CSMD1: variants seen among roughly 807,000 people sequenced by gnomAD.
CSMD1 encodes the protein CUB and Sushi multiple domains 1.
CSMD1 carries 213 observed loss-of-function variants against 417.5 expected under a neutral mutation model. That is an observed-to-expected ratio of 0.51 (90% CI 0.46 to 0.57). CSMD1 has a LOEUF of 0.57. CSMD1 is among the 20% of genes least tolerant of loss of function. CSMD1 has a pLI of 0.00. For synonymous variants in CSMD1, 2,862 were observed against 1,736.8 expected (o/e 1.65, Z -16.11); for missense variants, 6,923 against 4,529.7 (o/e 1.53, Z -15.17).
Position 3,795,382 on chromosome 8 carries a change from G to GTATAGATATAGATATCTATCATAGA in CSMD1, c.819-41365_819-41341dup, listed in dbSNP as rs1181119079. ...TATCATGTATATAGATATATATCAT[G>GTATAGATATAGATATCTATCATAGA]TATAGATATAGATATCTATCATAGA... On this transcript the variant is annotated intron_variant, in intron 5 of 69. Transcript: ENST00000635120. Among the ~76,000 whole-genome samples the GTATAGATATAGATATCTATCATAGA allele has an allele frequency of 1.5e-3, 55 of 37,126 alleles. 23 individuals carry two copies. The East Asian group carries it at 0.029, about 20-fold the overall frequency. 24.4% of individuals were successfully genotyped at this position (37,126 alleles called of 152,430 possible).
At chr8:3,399,354 A>AC in intron 16 of CSMD1, 37 bp downstream of exon 16, 1 of 1,550,008 alleles carries the variant, frequency 6.5e-7, no homozygotes, top group Non-Finnish European at 8.7e-7. Flanking sequence ...AGAGACACAC[A>AC]CCATTGGGTC....
chr8:3,758,733 C>T (rs774465167), intron 5 of CSMD1, among the ~76,000 whole-genome samples: 23 of 152,108 alleles, frequency 1.5e-4, no homozygotes, highest in Non-Finnish European at 2.8e-4. Context: ...CAGACAGATC[C>T]CCAAGCCCCG....
intron 1 of CSMD1, among the ~76,000 whole-genome samples, chr8:4,647,810 C>G (rs776266160): frequency 6.6e-6 from 1 of 152,154 alleles, no homozygotes; most frequent in African/African-American, 2.4e-5. Flanking sequence ...TTTTTCCAGT[C>G]TATCACTGAT....
intron 1 of CSMD1, among the ~76,000 whole-genome samples, chr8:4,802,699 T>G (rs1227242353): frequency 1.3e-5 from 2 of 152,206 alleles, no homozygotes; most frequent in Non-Finnish European, 2.9e-5. Context: ...AGGCTTTGTT[T>G]TCTTGTTTTG....
intron 59 of CSMD1, among the ~76,000 whole-genome samples, chr8:2,964,818 G>C (rs191682287): frequency 1.5e-3 from 232 of 152,070 alleles, no homozygotes; most frequent in African/African-American, 5.4e-3. Flanking sequence ...TGTCAGAAGA[G>C]AGAGAAAGCC....
intron 18 of CSMD1, among the ~76,000 whole-genome samples, chr8:3,381,242 G>T (rs368497696): frequency 6.6e-6 from 1 of 151,402 alleles, no homozygotes; most frequent in Non-Finnish European, 1.5e-5. Context: ...GCCCCATGTC[G>T]GTACCTGTTC....
chr8:4,783,556 A>C (rs1311686432), intron 1 of CSMD1, among the ~76,000 whole-genome samples: 1 of 152,246 alleles, frequency 6.6e-6, no homozygotes, highest in Non-Finnish European at 1.5e-5. Context: ...CCTGGTTCTA[A>C]GGAAAACCTA....
chr8:3,055,187 A>G (rs1406656024), intron 49 of CSMD1, among the ~76,000 whole-genome samples: 2 of 152,202 alleles, frequency 1.3e-5, no homozygotes, highest in African/African-American at 4.8e-5. Flanking sequence ...CCATCACAAA[A>G]CAATTCATAC....
At chr8:2,974,692 C>T in intron 55 of CSMD1, 68 bp from the exon 56 acceptor site, 1 of 1,201,474 alleles carries the variant, frequency 8.3e-7, no homozygotes, top group Admixed American at 2.6e-5. Flanking sequence ...GGAAAATCTC[C>T]CATACAGACA....
At chr8:3,230,691 C>T in intron 26 of CSMD1, among the ~76,000 whole-genome samples, 1 of 152,048 alleles carries the variant, frequency 6.6e-6, no homozygotes, top group South Asian at 2.1e-4. Context: ...GTTGAGATGC[C>T]AAGGGTGGAA....
Position 3,676,514 on chromosome 8 carries a change from G to A in CSMD1, c.1009+31900C>T, listed in dbSNP as rs530042996. 3.9e-5 allele frequency among the ~76,000 whole-genome samples: 6 copies of A among 152,246 alleles called. No individual in the cohort carries two copies. The South Asian group carries it at 6.2e-4, about 16-fold the overall frequency. On this transcript the variant is annotated intron_variant, in intron 7 of 69. Coordinates refer to ENST00000635120, the MANE Select transcript of CSMD1 (RefSeq NM_033225.6). ...ATTGCCTGAAAAATTTTATATCTCA[G>A]AAGCATATAGATCTTAAATATATCC...
At chr8:3,025,698 C>T (rs555649156) in intron 51 of CSMD1, among the ~76,000 whole-genome samples, 6 of 152,104 alleles carry the variant, frequency 3.9e-5, no homozygotes, top group Non-Finnish European at 7.3e-5. Context: ...AGAATCCAGC[C>T]ACCCTGTATT....
At chr8:4,229,825 C>G (rs950377128) in intron 3 of CSMD1, among the ~76,000 whole-genome samples, 6 of 152,176 alleles carry the variant, frequency 3.9e-5, no homozygotes, top group Admixed American at 6.5e-5. Context: ...ACGTATGAAT[C>G]CCAAGAGGGC....
intron 5 of CSMD1, among the ~76,000 whole-genome samples, chr8:3,916,914 A>C (rs1563208317): frequency 6.6e-6 from 1 of 152,134 alleles, no homozygotes; most frequent in Non-Finnish European, 1.5e-5. Flanking sequence ...ATATTAAAAA[A>C]AATAACAATA....
intron 5 of CSMD1, among the ~76,000 whole-genome samples, chr8:3,775,568 A>G (rs965642676): frequency 6.6e-6 from 1 of 152,160 alleles, no homozygotes; most frequent in Non-Finnish European, 1.5e-5. Context: ...ACTTCAAATG[A>G]TCTCCAGTGT....
intron 10 of CSMD1, among the ~76,000 whole-genome samples, chr8:3,527,326 C>T (rs1797793907): frequency 6.6e-6 from 1 of 152,174 alleles, no homozygotes. Context: ...TTTAAAGGCA[C>T]TCGTGCCCTT....
At chr8:4,218,796 C>T (rs910469522) in intron 3 of CSMD1, among the ~76,000 whole-genome samples, 1 of 152,288 alleles carries the variant, frequency 6.6e-6, no homozygotes, top group Admixed American at 6.5e-5. Flanking sequence ...ACAGACTTAA[C>T]TTCTGTTTTC....
intron 3 of CSMD1, among the ~76,000 whole-genome samples, chr8:4,047,140 G>T (rs187638196): frequency 6.6e-6 from 1 of 152,152 alleles, no homozygotes; most frequent in African/African-American, 2.4e-5. Flanking sequence ...AAGCAGAGCA[G>T]CCTGCAACGG....
intron 3 of CSMD1, among the ~76,000 whole-genome samples, chr8:4,405,706 T>C (rs1003298344): frequency 1.2e-4 from 19 of 152,232 alleles, no homozygotes; most frequent in African/African-American, 4.6e-4. Flanking sequence ...GATGTGTCTA[T>C]TGCTTCTTAT....
Sources: allele counts gnomAD v4.1 joint callset (sites outside exome capture counted in the v4.1 genomes callset), GRCh38; gene constraint gnomAD v4.1.1; transcripts MANE v1.5; gene names NCBI Gene and HGNC (gene_info 2026-07-23, HGNC 2026-07-21).